ITGA11: variants seen among roughly 807,000 people sequenced by gnomAD.
ITGA11 encodes the protein integrin subunit alpha 11.
A neutral mutation model predicts 141.9 loss-of-function variants in ITGA11; 97 were observed. The observed-to-expected ratio is 0.68, with a 90% CI of 0.58 to 0.81. The LOEUF (loss-of-function observed/expected upper bound fraction) is 0.81. Ranked by LOEUF, ITGA11 falls within the 30% of genes least tolerant of loss-of-function variation. The probability of loss-of-function intolerance (pLI) is 0.00; values close to 1 mark genes in which losing one functional copy is unlikely to be tolerated. For synonymous variants in ITGA11, 658 were observed against 624.6 expected, an observed-to-expected ratio of 1.05 and a Z score of -0.80; for missense variants, 1,387 against 1,559.2, an observed-to-expected ratio of 0.89 and a Z score of 1.86.
At chr15:68,389,216 C>T (rs1896059571) in intron 2 of ITGA11, among the ~76,000 whole-genome samples, 1 of 152,258 alleles carries the variant, frequency 6.6e-6, no homozygotes, top group Non-Finnish European at 1.5e-5. Flanking sequence ...TTAACTCTCT[C>T]TCCCATGAAC....
chr15:68,311,479 G>T (rs2271729), intron 24 of ITGA11, 76 bp from the exon 25 acceptor site: 46,595 of 1,006,852 alleles, frequency 0.046, 1,249 homozygotes, highest in African/African-American at 0.069. Flanking sequence ...GGGCCAACCA[G>T]CCCCTGGGGG....
intron 2 of ITGA11, among the ~76,000 whole-genome samples, chr15:68,382,564 C>G (rs1272935704): frequency 6.6e-6 from 1 of 152,240 alleles, no homozygotes; most frequent in Non-Finnish European, 1.5e-5. Context: ...CTTTCTTCTT[C>G]ACCATCTGTG....
chr15:68,356,921 C>T (rs1448836215), intron 7 of ITGA11, among the ~76,000 whole-genome samples: 4 of 152,132 alleles, frequency 2.6e-5, no homozygotes, highest in Non-Finnish European at 5.9e-5. Context: ...CTGACAGCCA[C>T]GTGAGAACCT....
At chr15:68,314,875 G>T (rs1269673596) in intron 22 of ITGA11, among the ~76,000 whole-genome samples, 1 of 152,166 alleles carries the variant, frequency 6.6e-6, no homozygotes, top group African/African-American at 2.4e-5. Flanking sequence ...TTAGTGTTCG[G>T]TTTGCCTGGG....
In ITGA11 at chr15:68,307,773, G is replaced by A. The variant is rs1034113527; in HGVS notation, c.3175-77C>T. ...GGGCAGCAACACTGCTTGAACGACT[G>A]GGGCTCTGCTCCTGGGGGCAGGGGC... On this transcript the variant is annotated intron_variant, in intron 26 of 29. Coordinates refer to ENST00000315757, the MANE Select transcript of ITGA11 (RefSeq NM_001004439.2). This position sits in a 1 kb window ranked among gnomAD's most constrained non-coding sequence, Gnocchi z 6.1. 1.0e-6 allele frequency: 1 copy of A among 968,842 alleles called. No individual in the cohort carries two copies. Among genetic ancestry groups the A allele is most frequent in the African/African-American group, 1.6e-5 (1 of 61,922 alleles). 60.0% of individuals were successfully genotyped at this position (968,842 alleles called of 1,614,324 possible). A position where few individuals can be genotyped will look rare whatever the true frequency, so the allele number is the denominator to read the frequency against.
intron 2 of ITGA11, among the ~76,000 whole-genome samples, chr15:68,394,317 A>G (rs935594193): frequency 6.6e-6 from 1 of 152,174 alleles, no homozygotes; most frequent in Non-Finnish European, 1.5e-5. Context: ...GACAACTAGA[A>G]AATCTCCAAA....
At chr15:68,352,491 C>A (rs1447779630) in intron 7 of ITGA11, among the ~76,000 whole-genome samples, 1 of 152,148 alleles carries the variant, frequency 6.6e-6, no homozygotes, top group Non-Finnish European at 1.5e-5. Context: ...CCGTGCCGGG[C>A]TGGCATCAGT....
chr15:68,339,692 G>A, intron 10 of ITGA11, 48 bp from the exon 11 acceptor site: 1 of 1,606,568 alleles, frequency 6.2e-7, no homozygotes, highest in South Asian at 1.1e-5. Context: ...TCATGGGCCA[G>A]TTGCCAGGAG....
At chr15:68,336,085 G>A (rs1043156834) in intron 11 of ITGA11, 11 of 570,622 alleles carry the variant, frequency 1.9e-5, no homozygotes, top group East Asian at 1.8e-4. Context: ...CCCAGCCCCT[G>A]CTGGAGAAAA....
intron 1 of ITGA11, among the ~76,000 whole-genome samples, chr15:68,419,168 A>T (rs1022717692): frequency 6.6e-5 from 10 of 152,208 alleles, no homozygotes; most frequent in African/African-American, 2.4e-4. Context: ...CTTGGTGGGG[A>T]TGGCGGACTT....
At chr15:68,345,881 C>T (rs1034725319) in intron 10 of ITGA11, among the ~76,000 whole-genome samples, 10 of 152,252 alleles carry the variant, frequency 6.6e-5, no homozygotes, top group African/African-American at 9.6e-5. Context: ...CACTGAAAGA[C>T]GTCTGTGCTC....
chr15:68,315,638 G>A lies in ITGA11; in HGVS notation c.2792+13C>T, dbSNP rs770791944. On this transcript the variant is annotated intron_variant, in intron 22 of 29. Coordinates refer to ENST00000315757, the MANE Select transcript of ITGA11 (RefSeq NM_001004439.2). The stretch of plus-strand genomic sequence containing the variant: ...AGCAAGCTTTGGGGAGAAGGAGCAG[G>A]CACGGCCCTGACCTGCCTGCAGCGA... The A allele has an allele frequency of 1.2e-6, 2 of 1,609,524 alleles. No homozygotes were observed. The highest frequency in any genetic ancestry group is 1.7e-5 in the Admixed American group (1 of 59,828).
rs556067594 is a variant in ITGA11, at chr15:68,350,891, G to A, written c.895-109C>T. ...CCCAGGGTGGGCTGGAGCCAGGGCC[G>A]GTAGCCATGAGAGTTCCTCGCAATG... On this transcript the variant is annotated intron_variant, in intron 8 of 29. Transcript: ENST00000315757. 9.1e-4 allele frequency: 1,015 copies of A among 1,120,808 alleles called. 1 individual carries two copies. Among genetic ancestry groups the A allele is most frequent in the East Asian group, 2.3e-3 (96 of 40,982 alleles). 69.4% of individuals were successfully genotyped at this position (1,120,808 alleles called of 1,614,324 possible). A position where few individuals can be genotyped will look rare whatever the true frequency, so the allele number is the denominator to read the frequency against.
At chr15:68,362,980 A>G (rs1176663013) in intron 4 of ITGA11, among the ~76,000 whole-genome samples, 1 of 151,320 alleles carries the variant, frequency 6.6e-6, no homozygotes, top group Non-Finnish European at 1.5e-5. Context: ...AAGTGGATGA[A>G]TGACAGATGG....
rs1019160777 is a variant in ITGA11 at position 68,298,419 on chromosome 15, A to G, written c.*4640T>C. ...CCACAGATATGCATACAAAAATAAG[A>G]GAGACCAGTGTGGGCAACAAAGTGA... On this transcript the variant is annotated 3_prime_UTR_variant, in exon 30 of 30. Transcript: ENST00000315757. The G allele has an allele frequency of 1.3e-5, 2 of 152,100 alleles. No individual in the cohort carries two copies. The highest frequency in any genetic ancestry group is 2.9e-5 in the Non-Finnish European group (2 of 68,030). The allele number at this position is 152,100 out of a possible 1,614,324, so 9.4% of individuals were successfully genotyped here.
At position 68,303,250 on chromosome 15, in the gene ITGA11, G is replaced by T. The variant is rs1893087253; in HGVS notation, c.3496-120C>A. 2.4e-6 allele frequency: 2 copies of T among 820,658 alleles called. No homozygotes were observed. Among genetic ancestry groups the T allele is most frequent in the South Asian group, 1.5e-5 (1 of 65,148 alleles). 50.8% of individuals were successfully genotyped at this position (820,658 alleles called of 1,614,324 possible). A position where few individuals can be genotyped will look rare whatever the true frequency, so the allele number is the denominator to read the frequency against. On this transcript the variant is annotated intron_variant, in intron 29 of 29. Transcript: ENST00000315757. The surrounding 1 kb of genome is among the most constrained non-coding windows in gnomAD (Gnocchi z 5.3). Reference sequence around the variant, plus strand: ...CTCAGGGCTTCCTTGAGTACCCCCAGCTCATTCTGAGCACCCCCTCCTCCA... The same window carrying T: ...CTCAGGGCTTCCTTGAGTACCCCCATCTCATTCTGAGCACCCCCTCCTCCA...
Position 68,343,586 on chromosome 15 carries a change from C to A in ITGA11, c.1132-3942G>T, listed in dbSNP as rs142532302. Among the ~76,000 whole-genome samples, 54 of 152,170 alleles carry A rather than the reference C, an allele frequency of 3.5e-4. 1 individual carries two copies. In the East Asian group the frequency reaches 9.7e-3, roughly 27 times the overall value. On this transcript the variant is annotated intron_variant, in intron 10 of 29. Coordinates refer to ENST00000315757, the MANE Select transcript of ITGA11 (RefSeq NM_001004439.2). Reference sequence around the variant, plus strand: ...TCTTTTTGGCTTTTGTGAGGCAAGACGATGGAGCCAGGTGGAGGTAGTCGC... The same window carrying A: ...TCTTTTTGGCTTTTGTGAGGCAAGAAGATGGAGCCAGGTGGAGGTAGTCGC...
At chr15:68,376,985 A>AG in intron 2 of ITGA11, among the ~76,000 whole-genome samples, 1 of 152,340 alleles carries the variant, frequency 6.6e-6, no homozygotes, top group African/African-American at 2.4e-5. Context: ...AGCAGGTAGG[A>AG]GGCCCTCTGG....
At position 68,335,572 on chromosome 15, in the gene ITGA11, C is replaced by A; in HGVS notation, c.1425+125G>T. ...GCCACTCCTGGCAGCATGAAGGTGG[C>A]TGGAGGAACATGACTGCCCTTTGGG... On this transcript the variant is annotated intron_variant, in intron 12 of 29. Coordinates refer to ENST00000315757, the MANE Select transcript of ITGA11 (RefSeq NM_001004439.2). This position sits in a 1 kb window ranked among gnomAD's most constrained non-coding sequence, Gnocchi z 4.9. 9.0e-7 allele frequency: 1 copy of A among 1,108,788 alleles called. No individual in the cohort carries two copies. The highest frequency in any genetic ancestry group is 1.3e-6 in the Non-Finnish European group (1 of 766,656). The allele number at this position is 1,108,788 out of a possible 1,614,324, so 68.7% of individuals were successfully genotyped here.
Sources: gnomAD v4.1 joint callset for allele counts (sites outside exome capture counted in the v4.1 genomes callset) on GRCh38, gnomAD v4.1.1 for gene constraint, Gnocchi (gnomAD v3.1) non-coding constraint, MANE v1.5 for transcripts, NCBI Gene and HGNC (gene_info 2026-07-23, HGNC 2026-07-21) for gene names.